The following CCR3 variants were observed in gnomAD, a reference collection of about 807,000 sequenced individuals.
CCR3 encodes C-C motif chemokine receptor 3.
For synonymous variants in CCR3, 203 were observed against 179.2 expected, an observed-to-expected ratio of 1.13 and a Z score of -1.06; for missense variants, 419 against 437.5, an observed-to-expected ratio of 0.96 and a Z score of 0.38.
chr3:46,246,499 GA>G (rs1330029343), intron 1 of CCR3, among the ~76,000 whole-genome samples: 1 of 152,136 alleles, frequency 6.6e-6, no homozygotes, highest in Non-Finnish European at 1.5e-5. Context: ...CAGTGGGGGT[GA>G]TTTTTGAGCC....
At chr3:46,251,050 G>C (rs1700299247) in intron 1 of CCR3, among the ~76,000 whole-genome samples, 1 of 151,714 alleles carries the variant, frequency 6.6e-6, no homozygotes, top group Admixed American at 6.6e-5. Context: ...AAGGAGAAGG[G>C]GTTGAGGGGT....
intron 2 of CCR3, among the ~76,000 whole-genome samples, chr3:46,231,717 G>A (rs1042357122): frequency 6.6e-6 from 1 of 152,120 alleles, no homozygotes; most frequent in Non-Finnish European, 1.5e-5. Flanking sequence ...TTTCACAGGG[G>A]TATATTTCTC....
At chr3:46,250,803 G>A (rs1559534339) in intron 1 of CCR3, among the ~76,000 whole-genome samples, 3 of 151,898 alleles carry the variant, frequency 2.0e-5, no homozygotes, top group African/African-American at 7.3e-5. Flanking sequence ...ATGGAGGGAA[G>A]GGGTTCAGGG....
intron 2 of CCR3, among the ~76,000 whole-genome samples, chr3:46,221,578 C>T (rs1699837762): frequency 6.6e-6 from 1 of 152,236 alleles, no homozygotes; most frequent in African/African-American, 2.4e-5. Context: ...AACCACACGG[C>T]TCTGCCTGCA....
chr3:46,244,966 A>C (rs1315279235), intron 1 of CCR3, among the ~76,000 whole-genome samples: 2 of 152,224 alleles, frequency 1.3e-5, no homozygotes, highest in East Asian at 3.8e-4. Flanking sequence ...ATGTATATGC[A>C]TACTTTCCTT....
intron 1 of CCR3, among the ~76,000 whole-genome samples, chr3:46,257,290 C>G (rs1700445861): frequency 6.6e-6 from 1 of 152,152 alleles, no homozygotes; most frequent in Admixed American, 6.6e-5. Context: ...TAAGTATATG[C>G]TGTCCATTTA....
chr3:46,235,154 T>C (rs1700010270), intron 2 of CCR3, among the ~76,000 whole-genome samples: 1 of 152,236 alleles, frequency 6.6e-6, no homozygotes, highest in South Asian at 2.1e-4. Context: ...TGTACAGTTC[T>C]GTGGTTTAAT....
chr3:46,248,434 G>C (rs1386234558), intron 1 of CCR3, among the ~76,000 whole-genome samples: 4 of 152,204 alleles, frequency 2.6e-5, no homozygotes, highest in Admixed American at 2.6e-4. Context: ...GTAAGATCAA[G>C]TTGTTTGGAC....
rs1372518206 is a variant in CCR3 at position 46,265,308 on chromosome 3, G to A, written c.150G>A (p.Leu50=). ...LYSLVFTVGL[L]GNVVVVMILI... ...CCCTGGTGTTCACTGTGGGCCTCTT[G>A]GGCAATGTGGTGGTGGTGATGATCC... is the stretch of plus-strand genomic sequence containing the variant. Residue 50 remains leucine (L), a synonymous_variant, in exon 2 of 2, where the codon TTG becomes TTA. Transcript: ENST00000395940. The A allele has an allele frequency of 6.2e-7, 1 of 1,614,084 alleles. No individual in the cohort carries two copies. Among genetic ancestry groups the A allele is most frequent in the Non-Finnish European group, 8.5e-7 (1 of 1,179,998 alleles).
At chr3:46,225,551 A>G (rs1699885322) in intron 2 of CCR3, among the ~76,000 whole-genome samples, 1 of 152,082 alleles carries the variant, frequency 6.6e-6, no homozygotes. Context: ...TGAGTGATTC[A>G]TTTTCTCTGC....
At chr3:46,260,475 C>T (rs1204587303) in intron 1 of CCR3, among the ~76,000 whole-genome samples, 1 of 152,198 alleles carries the variant, frequency 6.6e-6, no homozygotes, top group Non-Finnish European at 1.5e-5. Flanking sequence ...TGGGTAAATA[C>T]AGCCATTCTA....
chr3:46,221,823 C>A (rs1699839751), intron 2 of CCR3, among the ~76,000 whole-genome samples: 1 of 152,256 alleles, frequency 6.6e-6, no homozygotes, highest in East Asian at 1.9e-4. Context: ...GCAAAGCAGA[C>A]CTACCCAAGA....
At chr3:46,242,759 A>G (rs947180119) in intron 1 of CCR3, among the ~76,000 whole-genome samples, 3 of 151,628 alleles carry the variant, frequency 2.0e-5, no homozygotes, top group African/African-American at 7.3e-5. Flanking sequence ...CATCCACACA[A>G]TGATAAGTTT....
At chr3:46,224,135 G>A (rs751682816) in intron 2 of CCR3, among the ~76,000 whole-genome samples, 1 of 152,144 alleles carries the variant, frequency 6.6e-6, no homozygotes, top group Non-Finnish European at 1.5e-5. Flanking sequence ...CTTCATAGAT[G>A]AGGATATCCA....
At chr3:46,223,212 T>A (rs1699856271) in intron 2 of CCR3, among the ~76,000 whole-genome samples, 1 of 151,982 alleles carries the variant, frequency 6.6e-6, no homozygotes, top group African/African-American at 2.4e-5. Flanking sequence ...ATTAGCTGGG[T>A]GTGGTGGTGG....
At chr3:46,246,600 A>G (rs1347880643) in intron 1 of CCR3, among the ~76,000 whole-genome samples, 1 of 152,058 alleles carries the variant, frequency 6.6e-6, no homozygotes, top group Non-Finnish European at 1.5e-5. Context: ...GTGGAATGTC[A>G]TCAGTTAAGG....
chr3:46,212,916 G>C (rs867506501), intron 2 of CCR3, among the ~76,000 whole-genome samples: 3 of 152,168 alleles, frequency 2.0e-5, no homozygotes, highest in Admixed American at 1.3e-4. Context: ...AACTTCTTAG[G>C]GGGGTAGGGG....
intron 1 of CCR3, among the ~76,000 whole-genome samples, chr3:46,258,585 T>A (rs1206548857): frequency 6.6e-6 from 1 of 152,204 alleles, no homozygotes; most frequent in Admixed American, 6.5e-5. Flanking sequence ...GAACTGAGAA[T>A]GTGACTGGCT....
chr3:46,240,223 C>T (rs1442547103), upstream of CCR3, among the ~76,000 whole-genome samples: 1 of 152,198 alleles, frequency 6.6e-6, no homozygotes, highest in Non-Finnish European at 1.5e-5. Context: ...GAATGCTCTG[C>T]AGGGCTGGAG....
Sources: allele counts gnomAD v4.1 joint callset (sites outside exome capture counted in the v4.1 genomes callset), GRCh38; gene constraint gnomAD v4.1.1; transcripts MANE v1.5; gene names NCBI Gene and HGNC (gene_info 2026-07-23, HGNC 2026-07-21).